Variants in CHD6 observed in about 807,000 individuals in gnomAD.
The protein encoded by CHD6 is ATP-dependent chromatin remodeler CHD6.
In CHD6, 50 loss-of-function variants were observed where a neutral mutation model predicts 276.9. That is an observed-to-expected ratio of 0.18 (90% CI 0.14 to 0.23). The LOEUF is 0.23. Among genes scored for constraint, CHD6 ranks in the 10% least tolerant of loss-of-function variants. The probability of loss-of-function intolerance (pLI) is 1.00; values close to 1 mark genes in which losing one functional copy is unlikely to be tolerated. For missense variants in CHD6, 2,564 were observed against 3,365.8 expected, an observed-to-expected ratio of 0.76 and a Z score of 5.89; for synonymous variants, 1,173 against 1,229.3, an observed-to-expected ratio of 0.95 and a Z score of 0.96.
chr20:41,581,850 G>A (rs1454303949), intron 1 of CHD6, among the ~76,000 whole-genome samples: 1 of 152,190 alleles, frequency 6.6e-6, no homozygotes, highest in Non-Finnish European at 1.5e-5. Context: ...AGGGAATACT[G>A]GAGAAGCAGA....
chr20:41,479,581 C>A (rs548407147), intron 16 of CHD6, among the ~76,000 whole-genome samples: 2 of 151,756 alleles, frequency 1.3e-5, no homozygotes, highest in African/African-American at 2.4e-5. Context: ...AAGACAGATA[C>A]AAACAAATGG....
intron 1 of CHD6, among the ~76,000 whole-genome samples, chr20:41,575,915 C>T (rs2146217981): frequency 6.6e-6 from 1 of 152,190 alleles, no homozygotes; most frequent in South Asian, 2.1e-4. Flanking sequence ...TCCCATAATT[C>T]TATGACTCAT....
intron 12 of CHD6, 66 bp downstream of exon 12, chr20:41,489,712 T>G: frequency 6.3e-7 from 1 of 1,599,266 alleles, no homozygotes; most frequent in Non-Finnish European, 8.6e-7. Context: ...CTTCTGAAGA[T>G]AAGTGACAGA....
At chr20:41,520,847 T>C (rs1016765368) in intron 3 of CHD6, among the ~76,000 whole-genome samples, 1 of 151,930 alleles carries the variant, frequency 6.6e-6, no homozygotes, top group African/African-American at 2.4e-5. Context: ...TTCTACAAAC[T>C]GATAGGCAAT....
chr20:41,559,681 G>C (rs1298929744), intron 1 of CHD6, among the ~76,000 whole-genome samples: 1 of 152,104 alleles, frequency 6.6e-6, no homozygotes, highest in African/African-American at 2.4e-5. Context: ...GGCTCCCTGA[G>C]TTTTCTACTC....
chr20:41,482,467 T>C, intron 16 of CHD6: 1 of 458,124 alleles, frequency 2.2e-6, no homozygotes, highest in South Asian at 1.6e-5. Flanking sequence ...GTACATGTAA[T>C]GTACAAGGGC....
chr20:41,405,348 C>G lies in CHD6; in HGVS notation c.7393G>C (p.Gly2465Arg), dbSNP rs1390732977. 8 of 1,614,236 alleles carry G rather than the reference C, an allele frequency of 5.0e-6. No homozygotes were observed. The highest frequency in any genetic ancestry group is 6.8e-6 in the Non-Finnish European group (8 of 1,180,042). ...SIVADSPSGMGPLFMNGLIAG... is the reference protein window; with the variant it reads ...SIVADSPSGMRPLFMNGLIAG... ...ATCAGTCCATTCATGAACAGTGGCC[C>G]CATTCCAGAGGGAGAGTCTGCCACA... Residue 2465 changes from glycine (G) to arginine (R), a missense_variant, in exon 37 of 37, where the codon GGG becomes CGG. Transcript: ENST00000373233.
rs576335537 is a variant in CHD6, at chr20:41,422,125, A to C, written c.4556-46T>G. 8 of 1,551,950 alleles carry C rather than the reference A, an allele frequency of 5.2e-6. No individual in the cohort carries two copies. The Admixed American group carries it at 1.5e-4, about 28-fold the overall frequency. ...AGCCTATCACTGAAGGTGACCTCAG[A>C]CACTCCCCGCCCACCTGAGCCCCTG... is the stretch of plus-strand genomic sequence containing the variant. On this transcript the variant is annotated intron_variant, in intron 30 of 36. Coordinates refer to ENST00000373233, the MANE Select transcript of CHD6 (RefSeq NM_032221.5).
intron 5 of CHD6, among the ~76,000 whole-genome samples, chr20:41,502,379 T>C (rs977512447): frequency 1.3e-5 from 2 of 152,204 alleles, no homozygotes; most frequent in East Asian, 3.8e-4. Context: ...CAAAATATGG[T>C]ATTTTATATT....
chr20:41,468,770 T>G (rs1375299146), intron 17 of CHD6, among the ~76,000 whole-genome samples: 1 of 152,082 alleles, frequency 6.6e-6, no homozygotes, highest in African/African-American at 2.4e-5. Flanking sequence ...ATCTCAGCAC[T>G]TCGGGAGGCT....
chr20:41,514,931 T>G lies in CHD6; in HGVS notation c.576A>C (p.Pro192=). 6.2e-7 allele frequency: 1 copy of G among 1,613,986 alleles called. No individual in the cohort carries two copies. The highest frequency in any genetic ancestry group is 8.5e-7 in the Non-Finnish European group (1 of 1,179,910). The change falls in exon 4 of 37, where the codon CCA becomes CCC. Residue 192 remains proline (P), a synonymous_variant. Transcript: ENST00000373233. ...RKASKEQGPT[P]VEKKKKGKRK... is the part of the protein sequence containing the mutation. The stretch of plus-strand genomic sequence containing the variant: ...TTTTTCCTTTCTTCTTTTTCTCCAC[T>G]GGGGTTGGTCCTTGCTCCTTGCTAC...
intron 27 of CHD6, among the ~76,000 whole-genome samples, chr20:41,430,715 G>A (rs1483430403): frequency 6.6e-6 from 1 of 152,164 alleles, no homozygotes; most frequent in Non-Finnish European, 1.5e-5. Context: ...TAACTGGTTT[G>A]AAAAGAGTCA....
intron 16 of CHD6, among the ~76,000 whole-genome samples, chr20:41,475,838 A>G (rs985381825): frequency 6.6e-6 from 1 of 152,326 alleles, no homozygotes; most frequent in East Asian, 1.9e-4. Flanking sequence ...CATAGTGATG[A>G]TACAGCTCAG....
Position 41,404,841 on chromosome 20 carries a change from T to C in CHD6, c.7900A>G (p.Met2634Val). Residue 2634 changes from methionine to valine, a missense_variant, in exon 37 of 37, where the codon ATG becomes GTG. This residue lies in a region of CHD6 where 238 missense variants were observed against 266.0 expected (regional missense o/e 0.89). Transcript: ENST00000373233. ...PSMFLSPGMG[M>V]ALPAMQQARH... ...GCCTGCTGCATGGCTGGCAGAGCCA[T>C]GCCCATACCAGGGGAGAGGAACATG... is the stretch of plus-strand genomic sequence containing the variant. 1 of 1,614,114 alleles carries C rather than the reference T, an allele frequency of 6.2e-7. No individual in the cohort carries two copies. The highest frequency in any genetic ancestry group is 1.1e-5 in the South Asian group (1 of 91,070).
At chr20:41,459,084 C>CA (rs2048464183) in intron 17 of CHD6, among the ~76,000 whole-genome samples, 1 of 152,020 alleles carries the variant, frequency 6.6e-6, no homozygotes, top group Non-Finnish European at 1.5e-5. Flanking sequence ...GTTACTGGGC[C>CA]CAGAGAAAGG....
At chr20:41,416,132 C>T (rs2046988930) in intron 33 of CHD6, among the ~76,000 whole-genome samples, 1 of 152,156 alleles carries the variant, frequency 6.6e-6, no homozygotes, top group Non-Finnish European at 1.5e-5. Context: ...CTCACTCCTG[C>T]CTTGATTTCC....
At chr20:41,406,930 C>G (rs1430128230) in intron 36 of CHD6, among the ~76,000 whole-genome samples, 2 of 152,240 alleles carry the variant, frequency 1.3e-5, no homozygotes, top group Non-Finnish European at 2.9e-5. Flanking sequence ...CCCTGACTGC[C>G]TGGGCATCTT....
chr20:41,565,830 C>G (rs1601148337), intron 1 of CHD6, among the ~76,000 whole-genome samples: 1 of 152,244 alleles, frequency 6.6e-6, no homozygotes, highest in Admixed American at 6.5e-5. Flanking sequence ...TCTAGAAGTG[C>G]AGCAGTAAAG....
intron 1 of CHD6, among the ~76,000 whole-genome samples, chr20:41,584,378 A>G (rs1216772107): frequency 2.6e-5 from 4 of 152,200 alleles, no homozygotes; most frequent in Non-Finnish European, 5.9e-5. Context: ...ACACATATCC[A>G]TAATTAACAG....
Sources: gnomAD v4.1 joint callset for allele counts (sites outside exome capture counted in the v4.1 genomes callset) on GRCh38, gnomAD v4.1.1 for gene constraint, gnomAD v4.1.1 regional missense constraint, MANE v1.5 for transcripts, NCBI Gene and HGNC (gene_info 2026-07-23, HGNC 2026-07-21) for gene names.